KATNAL1: variants seen among roughly 807,000 people sequenced by gnomAD.
KATNAL1 encodes katanin p60 ATPase-containing subunit A-like 1.
A neutral mutation model predicts 55.2 loss-of-function variants in KATNAL1; 32 were observed. The observed-to-expected ratio is 0.58, with a 90% CI of 0.44 to 0.78. The LOEUF (loss-of-function observed/expected upper bound fraction) is 0.78. KATNAL1 is among the 30% of genes least tolerant of loss of function. KATNAL1 has a pLI of 0.00. For missense variants in KATNAL1, 466 were observed against 600.9 expected (o/e 0.78, Z 2.35); for synonymous variants, 193 against 193.6 (o/e 1.00, Z 0.02).
chr13:30,303,196 C>T (rs1882968967), intron 1 of KATNAL1, among the ~76,000 whole-genome samples: 1 of 152,160 alleles, frequency 6.6e-6, no homozygotes, highest in Non-Finnish European at 1.5e-5. Flanking sequence ...ACAATCAAAC[C>T]ATACCCCAGC....
At chr13:30,215,606 T>C (rs1874139792) in intron 9 of KATNAL1, among the ~76,000 whole-genome samples, 1 of 152,216 alleles carries the variant, frequency 6.6e-6, no homozygotes, top group South Asian at 2.1e-4. Context: ...TAAAAAATGA[T>C]GAGTTCATGT....
rs869107567 is a variant in KATNAL1, at chr13:30,274,907, G to GCGCGCA, written c.323+5155_323+5156insTGCGCG. Among the ~76,000 whole-genome samples, 547 of 105,372 alleles carry GCGCGCA rather than the reference G, an allele frequency of 5.2e-3. 2 individuals carry two copies. The highest frequency in any genetic ancestry group is 0.017 in the African/African-American group (421 of 24,658). 69.1% of individuals were successfully genotyped at this position (105,372 alleles called of 152,430 possible). A position where few individuals can be genotyped will look rare whatever the true frequency, so the allele number is the denominator to read the frequency against. ...CACACACATACGCGCGCGCGCGCGCGCACACACACACACACACACACACAC... is the reference window on the plus strand; with the variant it reads ...CACACACATACGCGCGCGCGCGCGCGCGCGCACACACACACACACACACACACACAC... On this transcript the variant is annotated intron_variant, in intron 3 of 10. Transcript: ENST00000380615.
intron 9 of KATNAL1, among the ~76,000 whole-genome samples, chr13:30,226,921 C>A (rs1875534450): frequency 6.6e-6 from 1 of 151,996 alleles, no homozygotes; most frequent in Non-Finnish European, 1.5e-5. Flanking sequence ...ACTAAAAACA[C>A]CAAAATTAGC....
intron 3 of KATNAL1, among the ~76,000 whole-genome samples, chr13:30,263,364 G>A (rs1168376267): frequency 1.3e-5 from 2 of 151,690 alleles, no homozygotes; most frequent in African/African-American, 2.4e-5. Context: ...TGGAAGTTCT[G>A]GCCAGGGCAA....
intron 3 of KATNAL1, among the ~76,000 whole-genome samples, chr13:30,268,666 G>T (rs1377294705): frequency 1.3e-5 from 2 of 152,156 alleles, no homozygotes; most frequent in Non-Finnish European, 2.9e-5. Flanking sequence ...ATGTAAGAGT[G>T]ACAGGAAAAT....
chr13:30,238,303 T>C (rs1241745945), intron 6 of KATNAL1, among the ~76,000 whole-genome samples: 1 of 152,226 alleles, frequency 6.6e-6, no homozygotes, highest in Non-Finnish European at 1.5e-5. Flanking sequence ...ATAACCATTA[T>C]TATTCCCATT....
rs376904265 is a variant in KATNAL1 at position 30,280,226 on chromosome 13, TAA to T, written c.163-5_163-4del. The T allele has an allele frequency of 8.5e-5, 107 of 1,254,574 alleles. No individual in the cohort carries two copies. The highest frequency in any genetic ancestry group is 3.2e-4 in the South Asian group (21 of 64,742). The allele number at this position is 1,254,574 out of a possible 1,614,324, so 77.7% of individuals were successfully genotyped here. A position where few individuals can be genotyped will look rare whatever the true frequency, so the allele number is the denominator to read the frequency against. On this transcript the variant is annotated splice_polypyrimidine_tract_variant and splice_region_variant and intron_variant, in intron 2 of 10. Coordinates refer to ENST00000380615, the MANE Select transcript of KATNAL1 (RefSeq NM_032116.5). ...TCCTCCAATAATTCCTGCCGAACCT[TAA>T]AAAAAAAAAATAGGCTTTATGCTAG...
intron 1 of KATNAL1, among the ~76,000 whole-genome samples, chr13:30,301,542 A>G (rs1487667227): frequency 2.6e-5 from 4 of 152,188 alleles, no homozygotes; most frequent in African/African-American, 9.7e-5. Context: ...ACAAAACAGT[A>G]ACAGTTACCC....
intron 4 of KATNAL1, among the ~76,000 whole-genome samples, chr13:30,249,847 G>A (rs1014860200): frequency 6.6e-6 from 1 of 152,136 alleles, no homozygotes; most frequent in African/African-American, 2.4e-5. Flanking sequence ...TGCTGAAGTT[G>A]TTTCTTACTA....
chr13:30,268,969 G>A lies in KATNAL1; in HGVS notation c.323+11094C>T, dbSNP rs148339885. The stretch of plus-strand genomic sequence containing the variant: ...CCTTACAAAGCTTACAATCTAGCAG[G>A]AATGGTAACACACACACAATATAGT... On this transcript the variant is annotated intron_variant, in intron 3 of 10. Coordinates refer to ENST00000380615, the MANE Select transcript of KATNAL1 (RefSeq NM_032116.5). Among the ~76,000 whole-genome samples the A allele has an allele frequency of 1.8e-3, 274 of 152,172 alleles. 1 individual carries two copies. The highest frequency in any genetic ancestry group is 6.1e-3 in the African/African-American group (253 of 41,518).
intron 3 of KATNAL1, among the ~76,000 whole-genome samples, chr13:30,270,549 G>C (rs1293110650): frequency 6.6e-6 from 1 of 152,080 alleles, no homozygotes; most frequent in Non-Finnish European, 1.5e-5. Context: ...AGGTAGACAT[G>C]GGAGACTTTT....
chr13:30,274,905 GCGCACACACACACACACACA>G (rs1393383592), intron 3 of KATNAL1, among the ~76,000 whole-genome samples: 6 of 84,310 alleles, frequency 7.1e-5, no homozygotes, highest in Admixed American at 1.2e-4. Context: ...GCGCGCGCGC[GCGCACACACACACACACACA>G]CACACACACA....
intron 1 of KATNAL1, chr13:30,296,802 CT>C: frequency 2.4e-6 from 1 of 416,698 alleles, no homozygotes. Context: ...ACCTGTGCCC[CT>C]ACCTAGGTGC....
At chr13:30,217,475 T>C (rs1334947841) in intron 9 of KATNAL1, among the ~76,000 whole-genome samples, 1 of 152,138 alleles carries the variant, frequency 6.6e-6, no homozygotes, top group Non-Finnish European at 1.5e-5. Context: ...GAATTGATAT[T>C]CAATAAGCTT....
chr13:30,304,170 C>A (rs1270602793), intron 1 of KATNAL1, among the ~76,000 whole-genome samples: 2 of 152,078 alleles, frequency 1.3e-5, no homozygotes, highest in Non-Finnish European at 2.9e-5. Flanking sequence ...TCCTTATTTT[C>A]CCCTCCTTTG....
chr13:30,283,641 G>C lies in KATNAL1; in HGVS notation c.137C>G (p.Pro46Arg), dbSNP rs1481034048. The stretch of plus-strand genomic sequence containing the variant: ...CTGTTGCCATTTGCCTTTGATAGCT[G>C]GATCTCTGACTGACTGGCAATGTCT... ...IQRHCQSVRD[P>R]AIKGKWQQVR... Residue 46 changes from proline to arginine, a missense_variant, in exon 2 of 11, where the codon CCA becomes CGA. Pro to Arg is a moderately radical substitution (Grantham distance 103). Transcript: ENST00000380615. The C allele has an allele frequency of 6.2e-7, 1 of 1,613,588 alleles. No homozygotes were observed. The highest frequency in any genetic ancestry group is 8.5e-7 in the Non-Finnish European group (1 of 1,179,822).
At chr13:30,228,735 T>C (rs1245394972) in intron 8 of KATNAL1, among the ~76,000 whole-genome samples, 1 of 151,992 alleles carries the variant, frequency 6.6e-6, no homozygotes, top group Non-Finnish European at 1.5e-5. Flanking sequence ...CAACACAACT[T>C]GGATATTGTT....
chr13:30,276,285 C>T (rs1566123375), intron 3 of KATNAL1, among the ~76,000 whole-genome samples: 1 of 152,156 alleles, frequency 6.6e-6, no homozygotes, highest in Non-Finnish European at 1.5e-5. Flanking sequence ...AGATGCATGA[C>T]ACAGAAGTAG....
intron 1 of KATNAL1, among the ~76,000 whole-genome samples, chr13:30,286,080 A>C (rs1881764496): frequency 6.6e-6 from 1 of 152,240 alleles, no homozygotes; most frequent in South Asian, 2.1e-4. Flanking sequence ...TTATGTTTAA[A>C]AGGGAAGCAG....
Sources: allele counts gnomAD v4.1 joint callset (sites outside exome capture counted in the v4.1 genomes callset), GRCh38; gene constraint gnomAD v4.1.1; transcripts MANE v1.5; gene names NCBI Gene and HGNC (gene_info 2026-07-23, HGNC 2026-07-21).